MPP7: variants seen among roughly 807,000 people sequenced by gnomAD.
MPP7 encodes MAGUK p55 scaffold protein 7.
A neutral mutation model predicts 76.5 loss-of-function variants in MPP7; 60 were observed. The observed-to-expected ratio is 0.78, with a 90% CI of 0.64 to 0.97. The LOEUF (loss-of-function observed/expected upper bound fraction) is 0.97, where lower values mean the gene tolerates loss of function less well. Ranked by LOEUF, MPP7 falls within the 50% of genes least tolerant of loss-of-function variation. MPP7 has a pLI of 0.00. For missense variants in MPP7, 641 were observed against 694.0 expected, an observed-to-expected ratio of 0.92 and a Z score of 0.86; for synonymous variants, 237 against 244.5, an observed-to-expected ratio of 0.97 and a Z score of 0.29.
intron 3 of MPP7, among the ~76,000 whole-genome samples, chr10:28,192,298 A>C (rs1016854988): frequency 1.3e-5 from 2 of 152,204 alleles, no homozygotes; most frequent in African/African-American, 4.8e-5. Flanking sequence ...CTATAAGACA[A>C]AAAAAGATAT....
chr10:28,143,514 C>T (rs1257681925), intron 5 of MPP7, among the ~76,000 whole-genome samples: 1 of 152,116 alleles, frequency 6.6e-6, no homozygotes, highest in African/African-American at 2.4e-5. Flanking sequence ...TCTAATCTCA[C>T]TTATGGATTT....
chr10:28,203,496 T>TAAAAAAA (rs72465209), intron 2 of MPP7, among the ~76,000 whole-genome samples: 1 of 129,872 alleles, frequency 7.7e-6, no homozygotes, highest in African/African-American at 2.8e-5. Flanking sequence ...AAACAGTCTT[T>TAAAAAAA]AAAAAAAAAA....
At chr10:28,180,793 G>A (rs1324513242) in intron 3 of MPP7, among the ~76,000 whole-genome samples, 1 of 152,170 alleles carries the variant, frequency 6.6e-6, no homozygotes, top group Non-Finnish European at 1.5e-5. Context: ...GTCAGCAATG[G>A]GGGCTGGAGG....
intron 3 of MPP7, among the ~76,000 whole-genome samples, chr10:28,169,712 T>C (rs952314355): frequency 6.6e-6 from 1 of 152,182 alleles, no homozygotes; most frequent in Non-Finnish European, 1.5e-5. Flanking sequence ...AGTAGGGTTT[T>C]TTTGTTTGTT....
At chr10:28,088,339 T>A (rs547109472) in intron 12 of MPP7, among the ~76,000 whole-genome samples, 2 of 152,318 alleles carry the variant, frequency 1.3e-5, no homozygotes, top group East Asian at 3.9e-4. Context: ...GGGAGGGACC[T>A]GGTGGGAGGT....
At chr10:28,075,716 C>T (rs1179724062) in intron 12 of MPP7, among the ~76,000 whole-genome samples, 1 of 152,116 alleles carries the variant, frequency 6.6e-6, no homozygotes, top group Non-Finnish European at 1.5e-5. Flanking sequence ...CTCAGATGCA[C>T]CTTAAGGAAA....
Position 28,052,741 on chromosome 10 carries a change from CAT to C in MPP7, c.*1322_*1323del, listed in dbSNP as rs1458704815. On this transcript the variant is annotated 3_prime_UTR_variant, in exon 17 of 17. Transcript: ENST00000683449. ...TTTTACTACATTCTATTTTTTTTCA[CAT>C]GACATTTAAACTCTCTTTACAAATC... 1 of 151,950 alleles carries C rather than the reference CAT, an allele frequency of 6.6e-6. No homozygotes were observed. Among genetic ancestry groups the C allele is most frequent in the East Asian group, 1.9e-4 (1 of 5,170 alleles). The allele number at this position is 151,950 out of a possible 1,614,324, so 9.4% of individuals were successfully genotyped here.
At chr10:28,186,072 A>T (rs1837225379) in intron 3 of MPP7, among the ~76,000 whole-genome samples, 1 of 152,080 alleles carries the variant, frequency 6.6e-6, no homozygotes, top group African/African-American at 2.4e-5. Flanking sequence ...ATTGGCCGGG[A>T]GTGGTGACTC....
At position 28,180,657 on chromosome 10, in the gene MPP7, T is replaced by G. The variant is rs142389796; in HGVS notation, c.156+21496A>C. On this transcript the variant is annotated intron_variant, in intron 3 of 16. Coordinates refer to ENST00000683449, the MANE Select transcript of MPP7 (RefSeq NM_001318170.2). ...GCAATGCCTAAACCTTAGCAGCATA[T>G]AACAACGAAAGTTTATATTCCCCCA... 1.9e-3 allele frequency among the ~76,000 whole-genome samples: 288 copies of G among 152,310 alleles called. 2 individuals are homozygous for G. The highest frequency in any genetic ancestry group is 5.7e-3 in the African/African-American group (237 of 41,570).
chr10:28,307,100 C>T (rs954680923), upstream of MPP7, among the ~76,000 whole-genome samples: 17 of 152,328 alleles, frequency 1.1e-4, no homozygotes, highest in Admixed American at 9.1e-4. Flanking sequence ...AGAAGACACA[C>T]TGGGCAGATT....
At chr10:28,213,503 G>A (rs1838210005) in intron 2 of MPP7, among the ~76,000 whole-genome samples, 1 of 152,074 alleles carries the variant, frequency 6.6e-6, no homozygotes, top group Non-Finnish European at 1.5e-5. Flanking sequence ...GCATTTAAAA[G>A]AGAAGGTTGG....
chr10:28,216,765 G>A (rs762551072), intron 2 of MPP7, among the ~76,000 whole-genome samples: 1 of 152,078 alleles, frequency 6.6e-6, no homozygotes, highest in Non-Finnish European at 1.5e-5. Flanking sequence ...CAAATTATTC[G>A]ATCTGTCTGG....
intron 1 of MPP7, among the ~76,000 whole-genome samples, chr10:28,283,802 G>A (rs957584640): frequency 5.8e-4 from 88 of 152,172 alleles, no homozygotes; most frequent in African/African-American, 2.0e-3. Flanking sequence ...GGGGTGAGCC[G>A]TCACGCCCAG....
At chr10:28,118,211 C>A (rs1834719072) in intron 11 of MPP7, 3 of 985,174 alleles carry the variant, frequency 3.0e-6, no homozygotes, top group African/African-American at 3.5e-5. Context: ...CACACCTCAC[C>A]TTCCTATGCA....
intron 11 of MPP7, among the ~76,000 whole-genome samples, chr10:28,096,850 C>G (rs1425282771): frequency 6.6e-6 from 1 of 152,026 alleles, no homozygotes; most frequent in Non-Finnish European, 1.5e-5. Flanking sequence ...AATAACTAAC[C>G]AATGGTCTCA....
intron 3 of MPP7, among the ~76,000 whole-genome samples, chr10:28,166,848 C>A (rs1836481936): frequency 6.6e-6 from 1 of 152,078 alleles, no homozygotes; most frequent in Non-Finnish European, 1.5e-5. Flanking sequence ...TTGCTTTTTT[C>A]CCCCTTCAAC....
intron 3 of MPP7, among the ~76,000 whole-genome samples, chr10:28,158,088 C>G (rs1279680638): frequency 6.6e-6 from 1 of 152,158 alleles, no homozygotes. Context: ...TATAAATCCT[C>G]TAATCCTGCA....
chr10:28,073,573 C>T (rs1419932928), intron 12 of MPP7, among the ~76,000 whole-genome samples: 1 of 152,012 alleles, frequency 6.6e-6, no homozygotes, highest in Non-Finnish European at 1.5e-5. Flanking sequence ...AGTTCGAGAC[C>T]AGCCTGGCCA....
At chr10:28,281,224 C>T (rs1420975332) in intron 1 of MPP7, among the ~76,000 whole-genome samples, 4 of 152,002 alleles carry the variant, frequency 2.6e-5, no homozygotes, top group Non-Finnish European at 4.4e-5. Flanking sequence ...GGATTACCAG[C>T]GCACGCCACT....
Sources: gnomAD v4.1 joint callset for allele counts (sites outside exome capture counted in the v4.1 genomes callset) on GRCh38, gnomAD v4.1.1 for gene constraint, MANE v1.5 for transcripts, NCBI Gene and HGNC (gene_info 2026-07-23, HGNC 2026-07-21) for gene names.